The following EVI5 variants were observed in gnomAD, a reference collection of about 807,000 sequenced individuals.
EVI5 encodes the protein ecotropic viral integration site 5 protein homolog.
EVI5 carries 73 observed loss-of-function variants against 112.0 expected under a neutral mutation model. That is an observed-to-expected ratio of 0.65 (90% CI 0.54 to 0.79). EVI5 has a LOEUF of 0.79. EVI5 is among the 30% of genes least tolerant of loss of function. EVI5 has a pLI of 0.00. For synonymous variants in EVI5, 305 were observed against 319.9 expected, an observed-to-expected ratio of 0.95 and a Z score of 0.50; for missense variants, 900 against 968.8, an observed-to-expected ratio of 0.93 and a Z score of 0.94.
chr1:92,554,328 T>C (rs765779446), intron 19 of EVI5, among the ~76,000 whole-genome samples: 6 of 152,188 alleles, frequency 3.9e-5, no homozygotes, highest in Non-Finnish European at 7.3e-5. Flanking sequence ...AGCAGGATCA[T>C]GGTAGGGCAG....
At chr1:92,777,223 C>G (rs1379896821) in intron 1 of EVI5, among the ~76,000 whole-genome samples, 2 of 152,216 alleles carry the variant, frequency 1.3e-5, no homozygotes, top group Non-Finnish European at 2.9e-5. Flanking sequence ...CAGGCGTGAG[C>G]CACCACCACG....
intron 17 of EVI5, 59 bp from the exon 18 acceptor site, chr1:92,605,461 T>A: frequency 8.7e-7 from 1 of 1,153,618 alleles, no homozygotes; most frequent in Non-Finnish European, 1.3e-6. Flanking sequence ...ATTCAGATTT[T>A]AGAAAAGTAA....
At chr1:92,533,476 C>T (rs928053132) in intron 19 of EVI5, among the ~76,000 whole-genome samples, 3 of 151,980 alleles carry the variant, frequency 2.0e-5, no homozygotes, top group African/African-American at 7.3e-5. Flanking sequence ...AGAGACACAA[C>T]AAAAAAACAA....
intron 1 of EVI5, among the ~76,000 whole-genome samples, chr1:92,781,599 G>T (rs1684869438): frequency 6.6e-6 from 1 of 151,910 alleles, no homozygotes; most frequent in South Asian, 2.1e-4. Context: ...TCTTAAATAG[G>T]ACACAAAAAG....
chr1:92,628,320 C>T (rs761466143), intron 14 of EVI5, among the ~76,000 whole-genome samples: 2 of 152,192 alleles, frequency 1.3e-5, no homozygotes, highest in Non-Finnish European at 2.9e-5. Context: ...TGCAAAAGCT[C>T]CTCAGTTTAA....
At chr1:92,709,733 T>G (rs1439638202) in intron 2 of EVI5, among the ~76,000 whole-genome samples, 1 of 152,190 alleles carries the variant, frequency 6.6e-6, no homozygotes, top group Non-Finnish European at 1.5e-5. Flanking sequence ...TCCTATAGCA[T>G]GTAGAAAAAT....
Position 92,607,610 on chromosome 1 carries a change from T to C in EVI5, c.1945A>G (p.Lys649Glu), listed in dbSNP as rs1228360849. ...CATTCAATCTCTGCTTGTTTACGCT[T>C]TGCTTCACTTAATTGAGTAAGGAGT... ...KGLLTQLSEA[K>E]RKQAEIECKN... The change falls in exon 17 of 20, where the codon AAG (lysine) becomes GAG (glutamate). Residue 649 changes from lysine to glutamate, a missense_variant. Physicochemically the swap from Lys to Glu is moderately conservative, Grantham distance 56. Coordinates refer to ENST00000684568, the MANE Select transcript of EVI5 (RefSeq NM_001350197.2). The C allele has an allele frequency of 6.3e-7, 1 of 1,595,314 alleles. No homozygotes were observed.
intron 13 of EVI5, among the ~76,000 whole-genome samples, chr1:92,648,519 A>G (rs1661452547): frequency 6.6e-6 from 1 of 152,140 alleles, no homozygotes; most frequent in African/African-American, 2.4e-5. Context: ...CTTACCTATT[A>G]AGCAGTTTCT....
intron 2 of EVI5, among the ~76,000 whole-genome samples, chr1:92,717,715 G>A (rs1296829312): frequency 6.6e-6 from 1 of 152,084 alleles, no homozygotes; most frequent in Non-Finnish European, 1.5e-5. Context: ...AAATGTAAAT[G>A]GGCTAAATGC....
At chr1:92,527,423 A>AT (rs1468385161) in intron 19 of EVI5, among the ~76,000 whole-genome samples, 2 of 133,374 alleles carry the variant, frequency 1.5e-5, no homozygotes, top group African/African-American at 5.7e-5. Flanking sequence ...TCAAAAAAAA[A>AT]AAAAAAAAAA....
rs904268708 is a variant in EVI5 at position 92,702,271 on chromosome 1, CA to C, written c.565-57del. 1.6e-5 allele frequency: 14 copies of C among 880,548 alleles called. No homozygotes were observed. In the African/African-American group the frequency reaches 2.0e-4, roughly 12 times the overall value. 54.5% of individuals were successfully genotyped at this position (880,548 alleles called of 1,614,324 possible). A position where few individuals can be genotyped will look rare whatever the true frequency, so the allele number is the denominator to read the frequency against. The stretch of plus-strand genomic sequence containing the variant: ...CATGGTAAGTTATACCTTCCTTCTC[CA>C]AAAAACCTAAAATTGGCAAGACAGA... On this transcript the variant is annotated intron_variant, in intron 4 of 19. Coordinates refer to ENST00000684568, the MANE Select transcript of EVI5 (RefSeq NM_001350197.2).
chr1:92,603,313 C>T (rs1208079237), intron 18 of EVI5, among the ~76,000 whole-genome samples: 2 of 152,126 alleles, frequency 1.3e-5, no homozygotes, highest in Non-Finnish European at 2.9e-5. Flanking sequence ...AAAAATTAAA[C>T]AATTACTATA....
chr1:92,734,178 T>C (rs1676958117), intron 2 of EVI5, among the ~76,000 whole-genome samples: 1 of 152,180 alleles, frequency 6.6e-6, no homozygotes, highest in Admixed American at 6.6e-5. Context: ...ATGAAGAATG[T>C]TAGGCCTAGG....
chr1:92,582,674 C>T (rs1443971473), intron 18 of EVI5, among the ~76,000 whole-genome samples: 3 of 152,136 alleles, frequency 2.0e-5, no homozygotes, highest in Non-Finnish European at 4.4e-5. Context: ...GACTTTAAGG[C>T]CAGAAAAAAA....
At chr1:92,589,290 C>A (rs1673325057) in intron 18 of EVI5, among the ~76,000 whole-genome samples, 2 of 152,152 alleles carry the variant, frequency 1.3e-5, no homozygotes, top group East Asian at 1.9e-4. Context: ...GTGCAGCACA[C>A]CGAGCGTGAG....
chr1:92,540,267 T>C (rs1664582215), intron 19 of EVI5, among the ~76,000 whole-genome samples: 1 of 152,240 alleles, frequency 6.6e-6, no homozygotes, highest in Non-Finnish European at 1.5e-5. Flanking sequence ...TGCTATATAC[T>C]GTTTTCAAAG....
At chr1:92,543,511 A>C (rs1204842937) in intron 19 of EVI5, among the ~76,000 whole-genome samples, 2 of 152,182 alleles carry the variant, frequency 1.3e-5, no homozygotes, top group Non-Finnish European at 2.9e-5. Context: ...TTGCTTTCTT[A>C]TCATTTGTGT....
At chr1:92,592,873 G>A (rs527354153) in intron 18 of EVI5, among the ~76,000 whole-genome samples, 11 of 152,262 alleles carry the variant, frequency 7.2e-5, no homozygotes, top group East Asian at 3.9e-4. Flanking sequence ...AAACCAGGAC[G>A]AAGTTGAATC....
At chr1:92,735,605 T>C (rs531166763) in intron 2 of EVI5, among the ~76,000 whole-genome samples, 2 of 146,024 alleles carry the variant, frequency 1.4e-5, no homozygotes, top group South Asian at 4.2e-4. Flanking sequence ...TTATATTATG[T>C]ATTATATATA....
Sources: allele counts gnomAD v4.1 joint callset (sites outside exome capture counted in the v4.1 genomes callset), GRCh38; gene constraint gnomAD v4.1.1; transcripts MANE v1.5; gene names NCBI Gene and HGNC (gene_info 2026-07-23, HGNC 2026-07-21).